Variants in LRP1B observed in about 807,000 individuals in gnomAD.
The protein encoded by LRP1B is LDL receptor related protein 1B.
Under a neutral mutation model 556.6 loss-of-function variants are expected in LRP1B, and 217 were observed. The observed-to-expected ratio is 0.39, with a 90% CI of 0.35 to 0.44. The LOEUF (loss-of-function observed/expected upper bound fraction) is 0.44. LRP1B is among the 20% of genes least tolerant of loss of function. The pLI, the probability that LRP1B is intolerant of heterozygous loss-of-function variation, is 1.00. For synonymous variants in LRP1B, 2,047 were observed against 1,865.8 expected, an observed-to-expected ratio of 1.10 and a Z score of -2.50; for missense variants, 5,053 against 5,620.8, an observed-to-expected ratio of 0.90 and a Z score of 3.23.
At chr2:140,801,598 T>G (rs1361920421) in intron 32 of LRP1B, among the ~76,000 whole-genome samples, 1 of 131,228 alleles carries the variant, frequency 7.6e-6, no homozygotes, top group Non-Finnish European at 1.7e-5. Flanking sequence ...TTTTTTTTTT[T>G]GTCTATAATG....
chr2:141,147,228 C>G (rs1465293749), intron 7 of LRP1B, among the ~76,000 whole-genome samples: 1 of 152,130 alleles, frequency 6.6e-6, no homozygotes, highest in Non-Finnish European at 1.5e-5. Flanking sequence ...GCAAGGGCTT[C>G]CTGTGGTTTC....
intron 2 of LRP1B, among the ~76,000 whole-genome samples, chr2:141,487,861 T>C (rs1249066358): frequency 2.6e-5 from 4 of 152,164 alleles, no homozygotes; most frequent in East Asian, 1.9e-4. Context: ...GAATCTGAGT[T>C]TCAACAGCCA....
chr2:140,447,187 G>T (rs1346047430), intron 63 of LRP1B, among the ~76,000 whole-genome samples: 4 of 152,028 alleles, frequency 2.6e-5, no homozygotes, highest in South Asian at 2.1e-4. Context: ...GTGAAGAAAA[G>T]AAAACTCTTG....
intron 3 of LRP1B, among the ~76,000 whole-genome samples, chr2:141,314,915 T>C (rs1471159703): frequency 1.4e-5 from 2 of 143,824 alleles, no homozygotes; most frequent in African/African-American, 2.5e-5. Context: ...TATATACACA[T>C]ATATATATGT....
At chr2:142,082,558 T>C (rs999851774) in intron 1 of LRP1B, among the ~76,000 whole-genome samples, 3 of 152,204 alleles carry the variant, frequency 2.0e-5, no homozygotes, top group African/African-American at 7.2e-5. Flanking sequence ...TGCTGACTCG[T>C]GTCCCAGGTG....
intron 7 of LRP1B, among the ~76,000 whole-genome samples, chr2:141,183,807 A>G (rs1228085923): frequency 6.6e-6 from 1 of 152,060 alleles, no homozygotes. Context: ...TGGTACCCCA[A>G]GTTCCCCAAA....
chr2:140,917,154 T>A (rs1694603774), intron 21 of LRP1B, among the ~76,000 whole-genome samples: 1 of 152,166 alleles, frequency 6.6e-6, no homozygotes, highest in Non-Finnish European at 1.5e-5. Context: ...TACAACTGTA[T>A]ACCTATCAGA....
At chr2:141,420,132 T>G (rs1256331634) in intron 3 of LRP1B, among the ~76,000 whole-genome samples, 2 of 152,230 alleles carry the variant, frequency 1.3e-5, no homozygotes. Flanking sequence ...ACTATTATTG[T>G]GTTACTATTT....
At chr2:140,960,339 T>G (rs1695998688) in intron 18 of LRP1B, among the ~76,000 whole-genome samples, 1 of 151,858 alleles carries the variant, frequency 6.6e-6, no homozygotes, top group African/African-American at 2.4e-5. Context: ...GAATTCACTC[T>G]TATTTATTCT....
intron 7 of LRP1B, among the ~76,000 whole-genome samples, chr2:141,102,368 G>C (rs1279915655): frequency 3.3e-5 from 5 of 152,218 alleles, no homozygotes; most frequent in African/African-American, 1.2e-4. Flanking sequence ...ATCCTGAAAA[G>C]TTTTTTCGAG....
intron 2 of LRP1B, among the ~76,000 whole-genome samples, chr2:141,544,360 T>TCTTCTTCTTCTTCTC (rs1685451106): frequency 9.5e-6 from 1 of 105,014 alleles, no homozygotes; most frequent in Non-Finnish European, 2.0e-5. Context: ...TTCTTCTTCT[T>TCTTCTTCTTCTTCTC]CTTCTTCTTC....
chr2:141,816,239 T>C (rs894170935), intron 1 of LRP1B, among the ~76,000 whole-genome samples: 2 of 152,088 alleles, frequency 1.3e-5, no homozygotes, highest in Non-Finnish European at 2.9e-5. Flanking sequence ...TGTTCCTGGG[T>C]GTGTCTGTGA....
intron 11 of LRP1B, among the ~76,000 whole-genome samples, chr2:141,048,518 T>A (rs1344278242): frequency 6.6e-6 from 1 of 152,152 alleles, no homozygotes; most frequent in Non-Finnish European, 1.5e-5. Context: ...TCTAGAAAAC[T>A]TCATTTCAGT....
At chr2:140,841,198 A>G (rs1343506689) in intron 29 of LRP1B, 106 bp from the exon 30 acceptor site, 4 of 693,976 alleles carry the variant, frequency 5.8e-6, no homozygotes, top group Non-Finnish European at 9.2e-6. Context: ...TTATACTTTA[A>G]TTTGTTAGCT....
intron 32 of LRP1B, among the ~76,000 whole-genome samples, chr2:140,811,219 A>G (rs1690913459): frequency 6.6e-6 from 1 of 152,200 alleles, no homozygotes; most frequent in Admixed American, 6.5e-5. Flanking sequence ...CAGCATTGAC[A>G]CAATATGGGC....
rs143331047 is a variant in LRP1B, at chr2:140,785,369, C to T, written c.5360-9131G>A. Among the ~76,000 whole-genome samples, 767 of 152,046 alleles carry T rather than the reference C, an allele frequency of 5.0e-3. 7 individuals are homozygous for T. The highest frequency in any genetic ancestry group is 0.044 in the Middle Eastern group (13 of 294). On this transcript the variant is annotated intron_variant, in intron 32 of 90. Transcript: ENST00000389484. ...AGAGAGGCAAAAGAGAACCTTCCTG[C>T]GTGACAATGATTAGAGATCCAGGCA...
Position 141,133,614 on chromosome 2 carries a change from AT to A in LRP1B, c.1013+54806del, listed in dbSNP as rs112863098. On this transcript the variant is annotated intron_variant, in intron 7 of 90. Coordinates refer to ENST00000389484, the MANE Select transcript of LRP1B (RefSeq NM_018557.3). ...CACCCTGTAAATATTCACTGTTATT[AT>A]TTTTTTAAAGGAAGGAATAGCTTTT... Among the ~76,000 whole-genome samples the A allele has an allele frequency of 5.5e-4, 83 of 152,104 alleles. 1 individual carries two copies. In the East Asian group the frequency reaches 0.015, roughly 27 times the overall value.
intron 11 of LRP1B, among the ~76,000 whole-genome samples, chr2:141,024,195 A>G (rs931025442): frequency 1.3e-5 from 2 of 152,004 alleles, no homozygotes; most frequent in African/African-American, 2.4e-5. Context: ...AAGCTGTCTC[A>G]TGGGGTTTCA....
At chr2:140,360,352 C>T (rs961367488) in intron 72 of LRP1B, among the ~76,000 whole-genome samples, 2 of 151,494 alleles carry the variant, frequency 1.3e-5, no homozygotes, top group Non-Finnish European at 3.0e-5. Flanking sequence ...AATATACTCC[C>T]TCCTCTTTAG....
Sources: gnomAD v4.1 joint callset for allele counts (sites outside exome capture counted in the v4.1 genomes callset) on GRCh38, gnomAD v4.1.1 for gene constraint, MANE v1.5 for transcripts, NCBI Gene and HGNC (gene_info 2026-07-23, HGNC 2026-07-21) for gene names.